Variants in CTNNA2 observed in about 807,000 individuals in gnomAD.
The protein encoded by CTNNA2 is catenin alpha 2.
A neutral mutation model predicts 101.0 loss-of-function variants in CTNNA2; 42 were observed. That is an observed-to-expected ratio of 0.42 (90% CI 0.32 to 0.54). The LOEUF is 0.54. Ranked by LOEUF, CTNNA2 falls within the 20% of genes least tolerant of loss-of-function variation. The pLI, the probability that CTNNA2 is intolerant of heterozygous loss-of-function variation, is 0.14. For missense variants in CTNNA2, 871 were observed against 1,223.1 expected (o/e 0.71, Z 4.29); for synonymous variants, 450 against 456.4 (o/e 0.99, Z 0.18).
intron 18 of CTNNA2, among the ~76,000 whole-genome samples, chr2:80,630,826 G>T (rs964196652): frequency 6.6e-6 from 1 of 152,108 alleles, no homozygotes; most frequent in Admixed American, 6.5e-5. Context: ...TATATATTAT[G>T]ATGATGAGTA....
chr2:80,486,934 G>A (rs1403826105), intron 9 of CTNNA2, among the ~76,000 whole-genome samples: 5 of 152,044 alleles, frequency 3.3e-5, no homozygotes, highest in African/African-American at 9.7e-5. Flanking sequence ...ATGTAACAAG[G>A]CATTTTGGAT....
At chr2:79,444,143 G>T (rs76366424) in intron 4 of CTNNA2, among the ~76,000 whole-genome samples, 1 of 152,128 alleles carries the variant, frequency 6.6e-6, no homozygotes, top group Non-Finnish European at 1.5e-5. Flanking sequence ...CTTGTTTGCA[G>T]CCTGGTGAGA....
chr2:79,378,226 C>T (rs1330941750), intron 4 of CTNNA2, among the ~76,000 whole-genome samples: 3 of 152,048 alleles, frequency 2.0e-5, no homozygotes, highest in Non-Finnish European at 4.4e-5. Flanking sequence ...GAACAATAAT[C>T]AAAACCAAAT....
At chr2:80,197,721 C>T (rs1706925952) in intron 7 of CTNNA2, among the ~76,000 whole-genome samples, 1 of 152,134 alleles carries the variant, frequency 6.6e-6, no homozygotes, top group Admixed American at 6.6e-5. Context: ...TTTCTCGGTC[C>T]AGTCAGGCTC....
chr2:79,794,342 CA>C (rs1332058372), intron 3 of CTNNA2, among the ~76,000 whole-genome samples: 2 of 151,966 alleles, frequency 1.3e-5, no homozygotes, highest in African/African-American at 4.8e-5. Flanking sequence ...CTTTTAATGG[CA>C]AAAACAGCAA....
chr2:80,459,923 C>T (rs1684286619), intron 9 of CTNNA2, among the ~76,000 whole-genome samples: 1 of 152,096 alleles, frequency 6.6e-6, no homozygotes, highest in African/African-American at 2.4e-5. Context: ...GGGGCATTCT[C>T]ATAGTGTTCA....
chr2:80,624,617 G>A (rs776850566), intron 18 of CTNNA2, among the ~76,000 whole-genome samples: 6 of 152,004 alleles, frequency 3.9e-5, no homozygotes, highest in Non-Finnish European at 8.8e-5. Flanking sequence ...TGCATACAAC[G>A]TATCATTTCC....
chr2:79,517,149 A>G (rs1268862375), intron 1 of CTNNA2, among the ~76,000 whole-genome samples: 2 of 152,170 alleles, frequency 1.3e-5, no homozygotes, highest in Admixed American at 6.5e-5. Flanking sequence ...CTCACTGGCT[A>G]CATCTGTTGG....
intron 7 of CTNNA2, among the ~76,000 whole-genome samples, chr2:80,227,967 A>AT (rs112300820): frequency 0.12 from 18,433 of 150,534 alleles, 2,577 homozygotes; most frequent in African/African-American, 0.34. Flanking sequence ...CCCAGGCAGC[A>AT]TTTTTTTTTT....
chr2:79,865,212 C>T (rs766980787), intron 4 of CTNNA2, among the ~76,000 whole-genome samples: 6 of 152,036 alleles, frequency 3.9e-5, no homozygotes, highest in Non-Finnish European at 8.8e-5. Context: ...ACAATTTAAT[C>T]AAGAAGACCA....
intron 7 of CTNNA2, among the ~76,000 whole-genome samples, chr2:80,276,439 G>A (rs1017198599): frequency 6.6e-6 from 1 of 152,116 alleles, no homozygotes; most frequent in Non-Finnish European, 1.5e-5. Context: ...GAGTGTCTTT[G>A]TCCATTTGCG....
At chr2:80,581,197 A>C (rs892330039) in intron 13 of CTNNA2, among the ~76,000 whole-genome samples, 12 of 152,286 alleles carry the variant, frequency 7.9e-5, no homozygotes, top group African/African-American at 2.9e-4. Context: ...ATTTATGAGC[A>C]CATAGGGGCT....
At chr2:79,452,269 C>A (rs1350484006) in intron 4 of CTNNA2, among the ~76,000 whole-genome samples, 1 of 151,914 alleles carries the variant, frequency 6.6e-6, no homozygotes, top group Non-Finnish European at 1.5e-5. Flanking sequence ...AACGTGTATC[C>A]AGCCAATAAT....
At chr2:79,497,783 G>A (rs940672829) in intron 4 of CTNNA2, among the ~76,000 whole-genome samples, 1 of 152,000 alleles carries the variant, frequency 6.6e-6, no homozygotes, top group African/African-American at 2.4e-5. Context: ...GTCTCTTTTA[G>A]GAATTATGTT....
At chr2:80,171,849 G>A (rs1406998604) in intron 7 of CTNNA2, among the ~76,000 whole-genome samples, 1 of 152,160 alleles carries the variant, frequency 6.6e-6, no homozygotes, top group African/African-American at 2.4e-5. Flanking sequence ...TTCATAAAAG[G>A]AAGAAAGAAA....
rs1007061407 is a variant in CTNNA2, at chr2:80,056,272, C to T, written c.1056+146475C>T. Among the ~76,000 whole-genome samples, 3 of 152,206 alleles carry T rather than the reference C, an allele frequency of 2.0e-5. No homozygotes were observed. In the South Asian group the frequency reaches 6.2e-4, roughly 31 times the overall value. ...CTGTAGACATTGCATGCATCCCTTT[C>T]TGCCTACATCTCATTGGCCAGAACT... On this transcript the variant is annotated intron_variant, in intron 7 of 18. Transcript: ENST00000402739.
intron 9 of CTNNA2, among the ~76,000 whole-genome samples, chr2:80,475,900 T>C (rs962283480): frequency 6.6e-6 from 1 of 152,062 alleles, no homozygotes; most frequent in Admixed American, 6.6e-5. Context: ...AATAATGGCT[T>C]GTGCTTTTCT....
At chr2:79,223,557 A>G (rs1321594975) in intron 2 of CTNNA2, among the ~76,000 whole-genome samples, 4 of 152,170 alleles carry the variant, frequency 2.6e-5, no homozygotes, top group African/African-American at 4.8e-5. Flanking sequence ...TATTTTCAGT[A>G]GGCACATGCT....
At chr2:79,369,802 G>A (rs1314112607) in intron 3 of CTNNA2, among the ~76,000 whole-genome samples, 4 of 152,086 alleles carry the variant, frequency 2.6e-5, no homozygotes, top group Admixed American at 6.6e-5. Context: ...TCTGTCCAAC[G>A]TTCAAGACAC....
Sources: allele counts gnomAD v4.1 joint callset (sites outside exome capture counted in the v4.1 genomes callset), GRCh38; gene constraint gnomAD v4.1.1; transcripts MANE v1.5; gene names NCBI Gene and HGNC (gene_info 2026-07-23, HGNC 2026-07-21).